SMAD2: variants seen among roughly 807,000 people sequenced by gnomAD.
The protein encoded by SMAD2 is MAD homolog 2.
SMAD2 carries 8 observed loss-of-function variants against 64.4 expected under a neutral mutation model. That is an observed-to-expected ratio of 0.12 (90% CI 0.07 to 0.22). The LOEUF (loss-of-function observed/expected upper bound fraction) is 0.22. SMAD2 is among the 10% of genes least tolerant of loss of function. The pLI is 1.00. For missense variants in SMAD2, 289 were observed against 561.2 expected, an observed-to-expected ratio of 0.51 and a Z score of 4.90; for synonymous variants, 203 against 195.8, an observed-to-expected ratio of 1.04 and a Z score of -0.31.
At chr18:47,875,904 T>A (rs993252344) in intron 2 of SMAD2, among the ~76,000 whole-genome samples, 2 of 152,074 alleles carry the variant, frequency 1.3e-5, no homozygotes, top group Admixed American at 1.3e-4. Context: ...ATTTTGTGGG[T>A]TATATAACTG....
Position 47,885,163 on chromosome 18 carries a change from ACACAC to A in SMAD2, c.236+11353_236+11357del, listed in dbSNP as rs2032826177. 2.0e-5 allele frequency among the ~76,000 whole-genome samples: 3 copies of A among 150,870 alleles called. No individual in the cohort carries two copies. The South Asian group carries it at 6.3e-4, about 32-fold the overall frequency. ...CACACACACACACACACACACACAC[ACACAC>A]ACACACACACACACATATACCCTCC... is the stretch of plus-strand genomic sequence containing the variant. On this transcript the variant is annotated intron_variant, in intron 2 of 10. Transcript: ENST00000262160.
In SMAD2 at chr18:47,922,132, G is replaced by A. The variant is rs151302976; in HGVS notation, c.-54+8229C>T. Among the ~76,000 whole-genome samples the A allele has an allele frequency of 7.2e-5, 11 of 152,286 alleles. No homozygotes were observed. In the East Asian group the frequency reaches 2.1e-3, roughly 29 times the overall value. ...CAAAAGTAGATTGCACTTTTAAAAG[G>A]TATGGAGGGAAGAGAAATTTCAAAT... On this transcript the variant is annotated intron_variant, in intron 1 of 10. Transcript: ENST00000262160.
At chr18:47,874,331 C>T (rs2032132890) in intron 2 of SMAD2, among the ~76,000 whole-genome samples, 2 of 152,178 alleles carry the variant, frequency 1.3e-5, no homozygotes, top group South Asian at 4.1e-4. Flanking sequence ...CACTGAATGA[C>T]TCCACTTATA....
chr18:47,869,701 A>AT (rs932959537), intron 3 of SMAD2, among the ~76,000 whole-genome samples: 13 of 152,284 alleles, frequency 8.5e-5, no homozygotes, highest in African/African-American at 3.1e-4. Flanking sequence ...GGAAAAACTG[A>AT]TTTTTTAAAA....
rs2144275951 is a variant in SMAD2 at position 47,841,824 on chromosome 18, G to A, written c.*3C>T. 6.2e-7 allele frequency: 1 copy of A among 1,614,166 alleles called. No individual in the cohort carries two copies. The highest frequency in any genetic ancestry group is 8.5e-7 in the Non-Finnish European group (1 of 1,179,998). On this transcript the variant is annotated 3_prime_UTR_variant, in exon 11 of 11. Coordinates refer to ENST00000262160, the MANE Select transcript of SMAD2 (RefSeq NM_005901.6). Reference sequence around the variant, plus strand: ...CTTTTCATGGGACTTGATTGGTGAAGCTTTATGACATGCTTGAGCAACGCA... The same window carrying A: ...CTTTTCATGGGACTTGATTGGTGAAACTTTATGACATGCTTGAGCAACGCA...
intron 1 of SMAD2, among the ~76,000 whole-genome samples, chr18:47,921,214 AAAG>A (rs2034546825): frequency 1.3e-5 from 2 of 152,314 alleles, no homozygotes; most frequent in Admixed American, 6.5e-5. Context: ...CTACTCCAAA[AAAG>A]AAGAAAGGCA....
At chr18:47,868,846 G>C (rs1568064654) in intron 4 of SMAD2, among the ~76,000 whole-genome samples, 1 of 152,100 alleles carries the variant, frequency 6.6e-6, no homozygotes, top group African/African-American at 2.4e-5. Flanking sequence ...CTAACTAAAT[G>C]AAAAGTCTTG....
chr18:47,868,628 A>G (rs1487095850), intron 4 of SMAD2, among the ~76,000 whole-genome samples, 171 bp from the exon 5 acceptor site: 1 of 152,166 alleles, frequency 6.6e-6, no homozygotes, highest in Admixed American at 6.6e-5. Flanking sequence ...TTATGGCTCT[A>G]ACTTAGGTAG....
At chr18:47,857,436 G>A (rs1185975080) in intron 6 of SMAD2, among the ~76,000 whole-genome samples, 1 of 152,112 alleles carries the variant, frequency 6.6e-6, no homozygotes, top group Non-Finnish European at 1.5e-5. Flanking sequence ...GAGAAAAAAG[G>A]CTGCTTTTGT....
rs1912253264 is a variant in SMAD2 at position 47,813,054 on chromosome 18, A to C, written c.*28773T>G. 6.6e-6 allele frequency: 1 copy of C among 152,048 alleles called. No individual in the cohort carries two copies. The highest frequency in any genetic ancestry group is 1.5e-5 in the Non-Finnish European group (1 of 68,046). The allele number at this position is 152,048 out of a possible 1,614,324, so 9.4% of individuals were successfully genotyped here. On this transcript the variant is annotated 3_prime_UTR_variant, in exon 11 of 11. Coordinates refer to ENST00000262160, the MANE Select transcript of SMAD2 (RefSeq NM_005901.6). The stretch of plus-strand genomic sequence containing the variant: ...AACATAGTGAAACCCTGTCTCTACC[A>C]AAAATACAAAAATTAGCCAGGTGTG...
rs72661150 is a variant in SMAD2 at position 47,839,839 on chromosome 18, C to T, written c.*1988G>A. 2,894 of 233,246 alleles carry T rather than the reference C, an allele frequency of 0.012. 23 individuals carry two copies. The highest frequency in any genetic ancestry group is 0.025 in the African/African-American group (1,130 of 45,450). The allele number at this position is 233,246 out of a possible 1,614,324, so 14.4% of individuals were successfully genotyped here. A position where few individuals can be genotyped will look rare whatever the true frequency, so the allele number is the denominator to read the frequency against. ...CCCTGGCTCCTCACTTGGCTTGCTT[C>T]TTTAATGTCAGGTGTTAGCTCATGC... On this transcript the variant is annotated 3_prime_UTR_variant, in exon 11 of 11. Transcript: ENST00000262160.
intron 2 of SMAD2, among the ~76,000 whole-genome samples, chr18:47,895,070 G>A (rs1415341770): frequency 3.9e-5 from 6 of 151,958 alleles, no homozygotes; most frequent in Admixed American, 3.3e-4. Flanking sequence ...CCACTCTCCC[G>A]CAGCCAGAAA....
Position 47,810,030 on chromosome 18 carries a change from C to G in SMAD2, c.*31797G>C, listed in dbSNP as rs1261479995. Reference sequence around the variant, plus strand: ...AAATGCTGTAATTACAGAGTTGAAACACATACTCTTTCAGACATGAAGTCA... The same window carrying G: ...AAATGCTGTAATTACAGAGTTGAAAGACATACTCTTTCAGACATGAAGTCA... On this transcript the variant is annotated 3_prime_UTR_variant, in exon 11 of 11. Transcript: ENST00000262160. 1 of 152,162 alleles carries G rather than the reference C, an allele frequency of 6.6e-6. No individual in the cohort carries two copies. The highest frequency in any genetic ancestry group is 1.5e-5 in the Non-Finnish European group (1 of 68,026). The allele number at this position is 152,162 out of a possible 1,614,324, so 9.4% of individuals were successfully genotyped here.
chr18:47,925,238 G>A (rs1246342228), intron 1 of SMAD2, among the ~76,000 whole-genome samples: 3 of 152,186 alleles, frequency 2.0e-5, no homozygotes, highest in African/African-American at 7.2e-5. Context: ...GGGCTACCTA[G>A]GATAATTAGT....
rs1440047242 is a variant in SMAD2 at position 47,824,678 on chromosome 18, T to C, written c.*17149A>G. 6.6e-6 allele frequency: 1 copy of C among 152,200 alleles called. No individual in the cohort carries two copies. Among genetic ancestry groups the C allele is most frequent in the Admixed American group, 6.5e-5 (1 of 15,278 alleles). 9.4% of individuals were successfully genotyped at this position (152,200 alleles called of 1,614,324 possible). On this transcript the variant is annotated 3_prime_UTR_variant, in exon 11 of 11. Coordinates refer to ENST00000262160, the MANE Select transcript of SMAD2 (RefSeq NM_005901.6). ...TACTGTATACTTTTATTTGGGGATA[T>C]CTGCTTCCAAACACACTAAAGTACA...
Position 47,896,820 on chromosome 18 carries a change from T to C in SMAD2, c.-53-11A>G. Reference sequence around the variant, plus strand: ...CCTCTTGTATCGAACCTAGCAGAAATATTGAAAGGATGATGTAGAGACTAC... The same window carrying C: ...CCTCTTGTATCGAACCTAGCAGAAACATTGAAAGGATGATGTAGAGACTAC... On this transcript the variant is annotated splice_polypyrimidine_tract_variant and intron_variant, in intron 1 of 10. Coordinates refer to ENST00000262160, the MANE Select transcript of SMAD2 (RefSeq NM_005901.6). The C allele has an allele frequency of 1.3e-6, 2 of 1,569,778 alleles. No individual in the cohort carries two copies. The highest frequency in any genetic ancestry group is 1.2e-5 in the South Asian group (1 of 86,926).
intron 7 of SMAD2, among the ~76,000 whole-genome samples, chr18:47,849,717 T>TAA (rs1241800709): frequency 6.6e-6 from 1 of 152,102 alleles, no homozygotes; most frequent in East Asian, 1.9e-4. Context: ...TACTGTATTT[T>TAA]AAAATTTGGG....
At chr18:47,925,113 A>G (rs958960299) in intron 1 of SMAD2, among the ~76,000 whole-genome samples, 4 of 152,206 alleles carry the variant, frequency 2.6e-5, no homozygotes, top group African/African-American at 9.7e-5. Flanking sequence ...AGGAAATGCA[A>G]ATTTTTACAT....
intron 1 of SMAD2, among the ~76,000 whole-genome samples, chr18:47,903,514 C>A (rs1331170791): frequency 6.6e-6 from 1 of 151,988 alleles, no homozygotes; most frequent in Non-Finnish European, 1.5e-5. Flanking sequence ...AAATGATGGA[C>A]CATTTTCTAA....
Sources: allele counts gnomAD v4.1 joint callset (sites outside exome capture counted in the v4.1 genomes callset), GRCh38; gene constraint gnomAD v4.1.1; transcripts MANE v1.5; gene names NCBI Gene and HGNC (gene_info 2026-07-23, HGNC 2026-07-21).